Variants in NOL10 observed in about 807,000 individuals in gnomAD.
The protein encoded by NOL10 is H_NH0074G24.1.
Under a neutral mutation model 103.5 loss-of-function variants are expected in NOL10, and 58 were observed. The ratio of observed to expected loss-of-function variants is 0.56; its 90% CI spans 0.45 to 0.70. The LOEUF is 0.70. Ranked by LOEUF, NOL10 falls within the 30% of genes least tolerant of loss-of-function variation. NOL10 has a pLI of 0.00. For missense variants in NOL10, 763 were observed against 807.3 expected, an observed-to-expected ratio of 0.95 and a Z score of 0.67; for synonymous variants, 287 against 282.5, an observed-to-expected ratio of 1.02 and a Z score of -0.16.
chr2:10,589,926 T>A (rs1291987338), intron 17 of NOL10, among the ~76,000 whole-genome samples, 175 bp from the exon 18 acceptor site: 1 of 152,172 alleles, frequency 6.6e-6, no homozygotes, highest in Non-Finnish European at 1.5e-5. Flanking sequence ...AGGTTTTAGC[T>A]GCCACCACCA....
rs777634167 is a variant in NOL10, at chr2:10,589,585, C to T, written c.1589G>A (p.Arg530His). ...KLRLLEQQEL[R>H]EKEEEEEPEG... ...TGATAAGGAGTACATTACTTTTTCA[C>T]GAAGTTCTTGTTGCTCTAAGAGTCT... Residue 530 changes from arginine to histidine, a missense_variant, in exon 18 of 21, where the codon CGT becomes CAT. Arg to His is a conservative substitution (Grantham distance 29). Coordinates refer to ENST00000381685, the MANE Select transcript of NOL10 (RefSeq NM_024894.4). 4.5e-6 allele frequency: 7 copies of T among 1,560,822 alleles called. No individual in the cohort carries two copies. Among genetic ancestry groups the T allele is most frequent in the East Asian group, 2.3e-5 (1 of 44,276 alleles).
At chr2:10,597,840 C>G (rs1334119421) in intron 17 of NOL10, among the ~76,000 whole-genome samples, 2 of 152,198 alleles carry the variant, frequency 1.3e-5, no homozygotes, top group Non-Finnish European at 2.9e-5. Context: ...ATAGGAATTT[C>G]TAAGGTTCTT....
Position 10,600,240 on chromosome 2 carries a change from A to T in NOL10, c.1422+613T>A, listed in dbSNP as rs114239910. On this transcript the variant is annotated intron_variant, in intron 17 of 20. Coordinates refer to ENST00000381685, the MANE Select transcript of NOL10 (RefSeq NM_024894.4). ...AACACTAGAAAAATCTCACCTCTGG[A>T]CAATACCAACTAAACAAAGTGCTAA... is the stretch of plus-strand genomic sequence containing the variant. Among the ~76,000 whole-genome samples the T allele has an allele frequency of 2.8e-3, 434 of 152,326 alleles. 2 individuals are homozygous for T. The highest frequency in any genetic ancestry group is 9.8e-3 in the African/African-American group (409 of 41,572).
chr2:10,596,374 G>A (rs1022318614), intron 17 of NOL10, among the ~76,000 whole-genome samples: 17 of 151,544 alleles, frequency 1.1e-4, no homozygotes, highest in African/African-American at 3.2e-4. Context: ...TATACAACTC[G>A]CCATAATATA....
chr2:10,662,559 G>A (rs1351016045), intron 9 of NOL10, among the ~76,000 whole-genome samples: 2 of 152,004 alleles, frequency 1.3e-5, no homozygotes, highest in African/African-American at 4.8e-5. Context: ...CTTCTGATTG[G>A]TTTAAATGTA....
At chr2:10,631,496 AAAAAAAGTTTAATTAAC>A (rs1049110834) in intron 13 of NOL10, among the ~76,000 whole-genome samples, 17 of 151,758 alleles carry the variant, frequency 1.1e-4, no homozygotes, top group Non-Finnish European at 1.6e-4. Flanking sequence ...TTTTATAGGA[AAAAAAAGTTTAATTAAC>A]CTATCTTCTT....
intron 13 of NOL10, among the ~76,000 whole-genome samples, chr2:10,627,659 C>T (rs970726896): frequency 2.7e-5 from 4 of 150,364 alleles, no homozygotes; most frequent in East Asian, 2.0e-4. Flanking sequence ...TGGGTGACAG[C>T]GTAAGACTCC....
intron 13 of NOL10, among the ~76,000 whole-genome samples, chr2:10,624,829 T>C (rs1270014275): frequency 6.6e-6 from 1 of 152,218 alleles, no homozygotes; most frequent in Non-Finnish European, 1.5e-5. Flanking sequence ...CGAGAATGTT[T>C]AGAGCGGCTT....
chr2:10,585,078 T>G (rs1391120745), intron 19 of NOL10, among the ~76,000 whole-genome samples: 1 of 152,230 alleles, frequency 6.6e-6, no homozygotes, highest in Non-Finnish European at 1.5e-5. Context: ...CAGCAGATCT[T>G]GAAGGAGTAA....
intron 17 of NOL10, among the ~76,000 whole-genome samples, chr2:10,599,889 C>T (rs1349212111): frequency 6.6e-6 from 1 of 152,038 alleles, no homozygotes; most frequent in African/African-American, 2.4e-5. Flanking sequence ...AGGAACAAGA[C>T]CCTTCAGTTG....
intron 2 of NOL10, among the ~76,000 whole-genome samples, chr2:10,683,416 GCTCATTGT>G: frequency 6.6e-6 from 1 of 152,268 alleles, no homozygotes. Flanking sequence ...TTCAAGAAAT[GCTCATTGT>G]CTCTGTATCT....
Position 10,671,702 on chromosome 2 carries a change from AC to A in NOL10, c.328-13del. The A allele has an allele frequency of 6.5e-7, 1 of 1,539,542 alleles. No homozygotes were observed. The highest frequency in any genetic ancestry group is 1.2e-5 in the South Asian group (1 of 81,930). ...TGTAAGAAGACAATCTGAAAATAAA[AC>A]AAAAAAATTAGTTTGCTTAGGTTTC... On this transcript the variant is annotated splice_polypyrimidine_tract_variant and intron_variant, in intron 5 of 20. Coordinates refer to ENST00000381685, the MANE Select transcript of NOL10 (RefSeq NM_024894.4).
intron 13 of NOL10, among the ~76,000 whole-genome samples, chr2:10,635,428 A>C (rs1471861465): frequency 6.6e-6 from 1 of 152,234 alleles, no homozygotes; most frequent in East Asian, 1.9e-4. Flanking sequence ...CTATGATCAT[A>C]AGGCAAAGAA....
intron 13 of NOL10, among the ~76,000 whole-genome samples, chr2:10,628,960 C>T (rs752730893): frequency 1.3e-5 from 2 of 152,140 alleles, no homozygotes; most frequent in Non-Finnish European, 2.9e-5. Context: ...ATTAGGAACA[C>T]GTTTTCTCGG....
intron 13 of NOL10, among the ~76,000 whole-genome samples, chr2:10,626,001 CTG>C (rs1204244605): frequency 6.6e-6 from 1 of 150,544 alleles, no homozygotes; most frequent in Non-Finnish European, 1.5e-5. Context: ...GAGTGAAACC[CTG>C]TCTCTATGAA....
At position 10,587,062 on chromosome 2, in the gene NOL10, TA is replaced by T. The variant is rs1443362766; in HGVS notation, c.1844+1980del. Among the ~76,000 whole-genome samples, 24 of 41,024 alleles carry T rather than the reference TA, an allele frequency of 5.9e-4. 1 individual carries two copies. Among genetic ancestry groups the T allele is most frequent in the Non-Finnish European group, 9.9e-4 (19 of 19,142 alleles). 26.9% of individuals were successfully genotyped at this position (41,024 alleles called of 152,430 possible). Reference sequence around the variant, plus strand: ...TTAAATGTATATATATATACATATATATATACATATATATACATATATATAC... The same window carrying T: ...TTAAATGTATATATATATACATATATTATACATATATATACATATATATAC... On this transcript the variant is annotated intron_variant, in intron 19 of 20. Coordinates refer to ENST00000381685, the MANE Select transcript of NOL10 (RefSeq NM_024894.4).
chr2:10,576,564 A>C (rs1674460997), intron 20 of NOL10, among the ~76,000 whole-genome samples: 1 of 152,250 alleles, frequency 6.6e-6, no homozygotes, highest in Non-Finnish European at 1.5e-5. Flanking sequence ...TACACCACTG[A>C]ATGAATAAAC....
At chr2:10,613,627 A>C (rs1676684145) in intron 13 of NOL10, among the ~76,000 whole-genome samples, 1 of 152,218 alleles carries the variant, frequency 6.6e-6, no homozygotes, top group Non-Finnish European at 1.5e-5. Context: ...AGTTAAAAGA[A>C]TTGTCATTTT....
chr2:10,590,139 G>T (rs1051599561), intron 17 of NOL10, among the ~76,000 whole-genome samples: 8 of 151,912 alleles, frequency 5.3e-5, no homozygotes, highest in African/African-American at 1.7e-4. Context: ...TTAGAGATAC[G>T]GTCTCACTCC....
Sources: gnomAD v4.1 joint callset for allele counts (sites outside exome capture counted in the v4.1 genomes callset) on GRCh38, gnomAD v4.1.1 for gene constraint, MANE v1.5 for transcripts, NCBI Gene and HGNC (gene_info 2026-07-23, HGNC 2026-07-21) for gene names.